Variants in ACAD9 observed in about 807,000 individuals in gnomAD.
The protein encoded by ACAD9 is complex I assembly factor ACAD9, mitochondrial.
In ACAD9, 53 loss-of-function variants were observed where a neutral mutation model predicts 70.2. The ratio of observed to expected loss-of-function variants is 0.75; its 90% CI spans 0.61 to 0.95. The LOEUF (loss-of-function observed/expected upper bound fraction) is 0.95, where lower values mean the gene tolerates loss of function less well. Ranked by LOEUF, ACAD9 falls within the 40% of genes least tolerant of loss-of-function variation. The pLI, the probability that ACAD9 is intolerant of heterozygous loss-of-function variation, is 0.00. For synonymous variants in ACAD9, 313 were observed against 312.1 expected (o/e 1.00, Z -0.03); for missense variants, 777 against 802.8 (o/e 0.97, Z 0.39).
In ACAD9 at chr3:128,904,327, C is replaced by T. The variant is rs1339016446; in HGVS notation, c.1030-59C>T. 3 of 1,613,850 alleles carry T rather than the reference C, an allele frequency of 1.9e-6. No individual in the cohort carries two copies. The African/African-American group carries it at 4.0e-5, about 22-fold the overall frequency. On this transcript the variant is annotated intron_variant, in intron 10 of 17. Coordinates refer to ENST00000308982, the MANE Select transcript of ACAD9 (RefSeq NM_014049.5). ...GACTTAATTACTTTCTCTCCTGTTT[C>T]ACAGATTTGGCTCTCAGCACATGCA...
Position 128,902,071 on chromosome 3 carries a change from T to C in ACAD9, c.883-482T>C, listed in dbSNP as rs1935754743. Among the ~76,000 whole-genome samples, 1 of 152,244 alleles carries C rather than the reference T, an allele frequency of 6.6e-6. No individual in the cohort carries two copies. The highest frequency in any genetic ancestry group is 6.5e-5 in the Admixed American group (1 of 15,286). ...CTTTTATGGCTGAATTCTCTTCTGT[T>C]GAGTGGAGATACCACATTTTGTTCA... is the stretch of plus-strand genomic sequence containing the variant. On this transcript the variant is annotated intron_variant, in intron 8 of 17. Coordinates refer to ENST00000308982, the MANE Select transcript of ACAD9 (RefSeq NM_014049.5). This position sits in a 1 kb window ranked among gnomAD's most constrained non-coding sequence, Gnocchi z 4.0.
At chr3:128,909,715 A>G in intron 15 of ACAD9, 1 of 600,096 alleles carries the variant, frequency 1.7e-6, no homozygotes, top group South Asian at 2.0e-5. Flanking sequence ...GAATCTAGGG[A>G]CCTGATTGGT....
chr3:128,895,058 G>A (rs1030387056), intron 3 of ACAD9, among the ~76,000 whole-genome samples: 14 of 151,582 alleles, frequency 9.2e-5, no homozygotes, highest in African/African-American at 2.7e-4. Flanking sequence ...TGTATTTTTA[G>A]TAGAGACGGG....
Position 128,895,455 on chromosome 3 carries a change from G to A in ACAD9, c.453+39G>A, listed in dbSNP as rs1935544912. On this transcript the variant is annotated intron_variant, in intron 4 of 17. Transcript: ENST00000308982. Reference sequence around the variant, plus strand: ...GGATTCTGTGTGGTGCTCTCTGTAGGTCTTCTGGAGTCACATGGAGGCATA... The same window carrying A: ...GGATTCTGTGTGGTGCTCTCTGTAGATCTTCTGGAGTCACATGGAGGCATA... 9 of 1,541,796 alleles carry A rather than the reference G, an allele frequency of 5.8e-6. No homozygotes were observed. The East Asian group carries it at 2.2e-4, about 37-fold the overall frequency.
intron 9 of ACAD9, among the ~76,000 whole-genome samples, chr3:128,903,340 C>T (rs1438816922): frequency 1.3e-5 from 2 of 152,148 alleles, no homozygotes; most frequent in Non-Finnish European, 2.9e-5. Context: ...GCGATTTGTT[C>T]CAGACTGTGC....
chr3:128,899,511 C>T, intron 7 of ACAD9, 50 bp downstream of exon 7: 1 of 1,538,040 alleles, frequency 6.5e-7, no homozygotes, highest in Non-Finnish European at 8.8e-7. Flanking sequence ...AAGGGGGAGA[C>T]TGGCCTTTGA....
At chr3:128,895,914 C>G (rs1382479302) in intron 4 of ACAD9, among the ~76,000 whole-genome samples, 2 of 152,244 alleles carry the variant, frequency 1.3e-5, no homozygotes, top group South Asian at 2.1e-4. Flanking sequence ...TCGGCTCCCC[C>G]ACCCCAGAGA....
chr3:128,895,453 A>G, intron 4 of ACAD9, 37 bp downstream of exon 4: 1 of 1,555,190 alleles, frequency 6.4e-7, no homozygotes, highest in South Asian at 1.2e-5. Flanking sequence ...TGCTCTCTGT[A>G]GGTCTTCTGG....
intron 1 of ACAD9, among the ~76,000 whole-genome samples, chr3:128,881,293 C>T (rs963264212): frequency 6.6e-6 from 1 of 152,202 alleles, no homozygotes; most frequent in African/African-American, 2.4e-5. Flanking sequence ...GATCTGTTTC[C>T]ATCTTTAAAC....
intron 16 of ACAD9, 39 bp downstream of exon 16, chr3:128,910,188 C>CCAT (rs752422321): frequency 6.2e-6 from 10 of 1,613,162 alleles, no homozygotes; most frequent in Non-Finnish European, 8.5e-6. Context: ...CTGGCTGCTG[C>CCAT]CATCTGTCCT....
chr3:128,906,650 C>A (rs62265263), intron 12 of ACAD9, among the ~76,000 whole-genome samples: 1 of 152,128 alleles, frequency 6.6e-6, no homozygotes, highest in African/African-American at 2.4e-5. Flanking sequence ...CAACCAGGGC[C>A]GGGTGGAGGG....
rs764166564 is a variant in ACAD9 at position 128,912,759 on chromosome 3, G to A, written c.*152G>A. The A allele has an allele frequency of 1.3e-6, 1 of 790,876 alleles. No homozygotes were observed. The highest frequency in any genetic ancestry group is 2.5e-5 in the East Asian group (1 of 40,246). 49.0% of individuals were successfully genotyped at this position (790,876 alleles called of 1,614,324 possible). ...TGAAGGGTTGTCGCCTGGCCTGGGA[G>A]AGCCTCTTCCAGGTTTTGACCTGCA... On this transcript the variant is annotated 3_prime_UTR_variant, in exon 18 of 18. Coordinates refer to ENST00000308982, the MANE Select transcript of ACAD9 (RefSeq NM_014049.5).
rs78239486 is a variant in ACAD9, at chr3:128,911,736, C to A, written c.1766-771C>A. Reference sequence around the variant, plus strand: ...GGATTACAGGCATGAGCCACTGTGCCCAGCCCTGGCTGTATTCTTGAAGCT... The same window carrying A: ...GGATTACAGGCATGAGCCACTGTGCACAGCCCTGGCTGTATTCTTGAAGCT... On this transcript the variant is annotated intron_variant, in intron 17 of 17. Coordinates refer to ENST00000308982, the MANE Select transcript of ACAD9 (RefSeq NM_014049.5). Among the ~76,000 whole-genome samples the A allele has an allele frequency of 9.8e-4, 150 of 152,338 alleles. 1 individual carries two copies. The highest frequency in any genetic ancestry group is 3.6e-3 in the African/African-American group (148 of 41,574).
chr3:128,885,601 C>T (rs967582784), intron 2 of ACAD9, among the ~76,000 whole-genome samples: 1 of 152,174 alleles, frequency 6.6e-6, no homozygotes. Context: ...ACTATATTGC[C>T]CAGGCTGGTC....
Position 128,879,712 on chromosome 3 carries a change from C to T in ACAD9, c.21C>T (p.Phe7=), listed in dbSNP as rs1218432769. ...GCAGCATGAGCGGCTGCGGGCTCTT[C>T]CTGCGCACCACGGCTGCGGCTCGTG... MSGCGL[F]LRTTAAARAC... Residue 7 remains phenylalanine, a synonymous_variant, in exon 1 of 18, where the codon TTC becomes TTT. Coordinates refer to ENST00000308982, the MANE Select transcript of ACAD9 (RefSeq NM_014049.5). The T allele has an allele frequency of 3.1e-6, 5 of 1,612,798 alleles. No homozygotes were observed. The highest frequency in any genetic ancestry group is 4.2e-6 in the Non-Finnish European group (5 of 1,179,940).
At chr3:128,898,498 T>C in intron 6 of ACAD9, 2 of 408,198 alleles carry the variant, frequency 4.9e-6, no homozygotes, top group South Asian at 3.8e-5. Context: ...CTCAACTTCC[T>C]GGGCTCAGGT....
At chr3:128,898,305 A>T (rs147506351) in intron 6 of ACAD9, 68 of 393,306 alleles carry the variant, frequency 1.7e-4, no homozygotes, top group African/African-American at 1.3e-3. Context: ...GCATGGTAAC[A>T]ATCTCAGCAT....
At chr3:128,893,998 C>T (rs138641792) in intron 3 of ACAD9, among the ~76,000 whole-genome samples, 3 of 152,298 alleles carry the variant, frequency 2.0e-5, no homozygotes, top group African/African-American at 7.2e-5. Flanking sequence ...CCCCAAGTGG[C>T]GGTTCTGCCT....
intron 1 of ACAD9, among the ~76,000 whole-genome samples, chr3:128,880,994 A>G (rs574146810): frequency 6.8e-4 from 103 of 152,020 alleles, no homozygotes; most frequent in Middle Eastern, 3.4e-3. Context: ...GAGGTGCCCT[A>G]CTTTGAACTT....
Sources: gnomAD v4.1 joint callset for allele counts (sites outside exome capture counted in the v4.1 genomes callset) on GRCh38, gnomAD v4.1.1 for gene constraint, Gnocchi (gnomAD v3.1) non-coding constraint, MANE v1.5 for transcripts, NCBI Gene and HGNC (gene_info 2026-07-23, HGNC 2026-07-21) for gene names.